The following KMT2C variants were observed in gnomAD, a reference collection of about 807,000 sequenced individuals.
The protein encoded by KMT2C is lysine methyltransferase 2C, also known as histone-lysine N-methyltransferase 2C.
KMT2C carries 88 observed loss-of-function variants against 507.9 expected under a neutral mutation model. That is an observed-to-expected ratio of 0.17 (90% CI 0.15 to 0.21). KMT2C has a LOEUF of 0.21. KMT2C is among the 10% of genes least tolerant of loss of function. KMT2C has a pLI of 1.00. For synonymous variants in KMT2C, 2,049 were observed against 2,080.8 expected, an observed-to-expected ratio of 0.98 and a Z score of 0.42; for missense variants, 4,954 against 5,957.8, an observed-to-expected ratio of 0.83 and a Z score of 5.55.
At chr7:152,279,350 C>T (rs1280390436) in intron 6 of KMT2C, among the ~76,000 whole-genome samples, 1 of 152,026 alleles carries the variant, frequency 6.6e-6, no homozygotes, top group Non-Finnish European at 1.5e-5. Context: ...ACATGCAAAA[C>T]TATAAGACTA....
chr7:152,177,816 A>G lies in KMT2C; in HGVS notation c.7637T>C (p.Leu2546Ser), dbSNP rs1422884004. The G allele has an allele frequency of 6.2e-7, 1 of 1,613,866 alleles. No individual in the cohort carries two copies. The highest frequency in any genetic ancestry group is 8.5e-7 in the Non-Finnish European group (1 of 1,179,950). Residue 2546 changes from leucine (L) to serine (S), a missense_variant, in exon 38 of 59, where the codon TTG becomes TCG. By Grantham distance (145) the Leu-to-Ser change is moderately radical. Coordinates refer to ENST00000262189, the MANE Select transcript of KMT2C (RefSeq NM_170606.3). ...GLPQHFSPQSLPVQQHNILGQ... is the reference protein window; with the variant it reads ...GLPQHFSPQSSPVQQHNILGQ... ...CAGTATGTTGTGCTGCTGAACTGGCAAGCTCTGTGGTGAAAAATGCTGAGG... is the reference window on the plus strand; with the variant it reads ...CAGTATGTTGTGCTGCTGAACTGGCGAGCTCTGTGGTGAAAAATGCTGAGG...
chr7:152,369,069 T>C (rs1197407708), intron 1 of KMT2C, among the ~76,000 whole-genome samples: 3 of 151,368 alleles, frequency 2.0e-5, no homozygotes, highest in Non-Finnish European at 2.9e-5. Context: ...ACACCTGTAA[T>C]CCCAGCACTT....
intron 31 of KMT2C, among the ~76,000 whole-genome samples, chr7:152,190,380 T>C (rs1458786361): frequency 9.2e-5 from 14 of 152,198 alleles, no homozygotes. Flanking sequence ...TTGAAACTTT[T>C]CCCAATAGTA....
chr7:152,362,839 C>T (rs922455744), intron 1 of KMT2C, among the ~76,000 whole-genome samples: 2 of 152,160 alleles, frequency 1.3e-5, no homozygotes, highest in Admixed American at 1.3e-4. Flanking sequence ...TTAATTTTTG[C>T]TTTTCAAATT....
intron 7 of KMT2C, among the ~76,000 whole-genome samples, chr7:152,269,925 G>A (rs191144134): frequency 2.3e-3 from 344 of 152,292 alleles, no homozygotes; most frequent in African/African-American, 8.0e-3. Context: ...GCTTAAATTA[G>A]AACAGAGCTT....
intron 1 of KMT2C, among the ~76,000 whole-genome samples, chr7:152,371,302 G>T (rs2097291660): frequency 6.6e-6 from 1 of 152,084 alleles, no homozygotes; most frequent in African/African-American, 2.4e-5. Flanking sequence ...TACTGTTGAG[G>T]TTGTCAGCTT....
rs139531066 is a variant in KMT2C, at chr7:152,179,386, T to C, written c.7442+448A>G. ...CGTAGGAGGCTTTGCCTACGCAGAA[T>C]AGCTACATTTTGAGGATGTCATATG... On this transcript the variant is annotated intron_variant, in intron 37 of 58. Transcript: ENST00000262189. Among the ~76,000 whole-genome samples, 219 of 152,336 alleles carry C rather than the reference T, an allele frequency of 1.4e-3. 4 individuals are homozygous for C. The East Asian group carries it at 0.037, about 26-fold the overall frequency.
intron 6 of KMT2C, among the ~76,000 whole-genome samples, chr7:152,303,082 G>T: frequency 6.6e-6 from 1 of 150,588 alleles, no homozygotes; most frequent in South Asian, 2.3e-4. Context: ...GAAATTAAAA[G>T]AAAAACGACG....
intron 24 of KMT2C, among the ~76,000 whole-genome samples, chr7:152,205,895 G>A (rs1303887719): frequency 1.3e-5 from 2 of 152,098 alleles, no homozygotes; most frequent in African/African-American, 4.8e-5. Context: ...AGGATAGAAG[G>A]CACAAACTAC....
rs1367775137 is a variant in KMT2C, at chr7:152,146,675, T to G, written c.13955A>C (p.Gln4652Pro). The G allele has an allele frequency of 6.2e-7, 1 of 1,614,142 alleles. No homozygotes were observed. Among genetic ancestry groups the G allele is most frequent in the African/African-American group, 1.3e-5 (1 of 75,054 alleles). The change falls in exon 53 of 59, where the codon CAG becomes CCG. Residue 4652 changes from glutamine to proline, a missense_variant. Coordinates refer to ENST00000262189, the MANE Select transcript of KMT2C (RefSeq NM_170606.3). ...ACVRKKSEMLQLFPAYLKGED... is the reference protein window; with the variant it reads ...ACVRKKSEMLPLFPAYLKGED... ...TCCTTTTAAATACGCTGGGAAAAGC[T>G]GGAGCATTTCAGACTTTTTTCTCAC...
At chr7:152,306,916 C>T (rs4726147) in intron 6 of KMT2C, among the ~76,000 whole-genome samples, 11,180 of 152,136 alleles carry the variant, frequency 0.073, 638 homozygotes, top group East Asian at 0.23. Flanking sequence ...CCCAGTACTT[C>T]GGGAGGATGA....
At chr7:152,386,873 T>G (rs1033093310) in intron 1 of KMT2C, among the ~76,000 whole-genome samples, 3 of 152,158 alleles carry the variant, frequency 2.0e-5, no homozygotes, top group Admixed American at 2.0e-4. Flanking sequence ...AGCACTGTCT[T>G]AATACAGAGC....
rs2129121016 is a variant in KMT2C, at chr7:152,182,445, C to T, written c.5415G>A (p.Gly1805=). ...GCTGAGGTGTCAAGGGACTCTGTAT[C>T]CCACTACTTGGTGTATCTGAACCAG... ...VQSGSDTPSS[G]IQSPLTPQPG... Residue 1805 remains glycine, a synonymous_variant, in exon 36 of 59, where the codon GGG becomes GGA. Coordinates refer to ENST00000262189, the MANE Select transcript of KMT2C (RefSeq NM_170606.3). 1 of 1,614,058 alleles carries T rather than the reference C, an allele frequency of 6.2e-7. No individual in the cohort carries two copies. The highest frequency in any genetic ancestry group is 8.5e-7 in the Non-Finnish European group (1 of 1,179,968).
chr7:152,194,167 C>T (rs750067480), intron 30 of KMT2C, 39 bp from the exon 31 acceptor site: 2 of 1,566,232 alleles, frequency 1.3e-6, no homozygotes, highest in Non-Finnish European at 1.7e-6. Context: ...GATTAAAAGA[C>T]TAGTAGGGTC....
At chr7:152,234,008 G>A (rs1373849627) in intron 16 of KMT2C, among the ~76,000 whole-genome samples, 3 of 151,560 alleles carry the variant, frequency 2.0e-5, no homozygotes, top group African/African-American at 7.3e-5. Context: ...GTTGGTGCGC[G>A]CCAGTAATCC....
chr7:152,426,253 T>G (rs980262942), intron 1 of KMT2C, among the ~76,000 whole-genome samples: 10 of 140,510 alleles, frequency 7.1e-5, no homozygotes, highest in East Asian at 2.0e-4. Context: ...TTTTTTTTTT[T>G]GGGAGATAGG....
chr7:152,304,209 G>A (rs982642485), intron 6 of KMT2C, among the ~76,000 whole-genome samples: 1 of 151,956 alleles, frequency 6.6e-6, no homozygotes, highest in Non-Finnish European at 1.5e-5. Flanking sequence ...TAGTTTCTAT[G>A]GCTCTCATAG....
intron 14 of KMT2C, among the ~76,000 whole-genome samples, chr7:152,243,247 TC>T (rs2095416314): frequency 6.6e-6 from 1 of 152,136 alleles, no homozygotes. Flanking sequence ...AACAGTAATA[TC>T]TCCAAAAATA....
Position 152,180,133 on chromosome 7 carries a change from G to T in KMT2C, c.7150-7C>A. 6.2e-7 allele frequency: 1 copy of T among 1,613,318 alleles called. No individual in the cohort carries two copies. The highest frequency in any genetic ancestry group is 1.1e-5 in the South Asian group (1 of 90,898). ...TTTCACGTAACTTCTGCCGCTAAAT[G>T]GGAAGAAACAAAAATCACTGGGATT... On this transcript the variant is annotated splice_polypyrimidine_tract_variant and splice_region_variant and intron_variant, in intron 36 of 58. Coordinates refer to ENST00000262189, the MANE Select transcript of KMT2C (RefSeq NM_170606.3).
Sources: gnomAD v4.1 joint callset for allele counts (sites outside exome capture counted in the v4.1 genomes callset) on GRCh38, gnomAD v4.1.1 for gene constraint, MANE v1.5 for transcripts, NCBI Gene and HGNC (gene_info 2026-07-23, HGNC 2026-07-21) for gene names.